Variants in MYO5A observed in about 807,000 individuals in gnomAD.
The protein encoded by MYO5A is myosin VA.
MYO5A carries 98 observed loss-of-function variants against 249.7 expected under a neutral mutation model. The ratio of observed to expected loss-of-function variants is 0.39; its 90% CI spans 0.33 to 0.46. MYO5A has a LOEUF of 0.46. MYO5A is among the 20% of genes least tolerant of loss of function. The pLI, the probability that MYO5A is intolerant of heterozygous loss-of-function variation, is 0.98. For missense variants in MYO5A, 1,696 were observed against 2,308.8 expected, an observed-to-expected ratio of 0.73 and a Z score of 5.44; for synonymous variants, 778 against 810.6, an observed-to-expected ratio of 0.96 and a Z score of 0.68.
intron 1 of MYO5A, among the ~76,000 whole-genome samples, chr15:52,450,843 G>GTTTTTTTTTTTTT (rs56842960): frequency 2.4e-5 from 2 of 84,590 alleles, no homozygotes; most frequent in African/African-American, 5.0e-5. Context: ...CACTACTGTG[G>GTTTTTTTTTTTTT]TTTTTTTTTT....
intron 4 of MYO5A, among the ~76,000 whole-genome samples, chr15:52,419,993 C>T (rs924063648): frequency 1.3e-5 from 2 of 152,064 alleles, no homozygotes; most frequent in Admixed American, 6.6e-5. Context: ...AATACAACAG[C>T]GTTGAGAGGT....
chr15:52,496,745 T>TGA (rs2077045006), intron 1 of MYO5A, among the ~76,000 whole-genome samples: 1 of 152,222 alleles, frequency 6.6e-6, no homozygotes, highest in African/African-American at 2.4e-5. Context: ...TATTGATGAC[T>TGA]CAACACTGAG....
At chr15:52,507,804 CAA>C (rs57445300) in intron 1 of MYO5A, among the ~76,000 whole-genome samples, 19 of 102,910 alleles carry the variant, frequency 1.8e-4, no homozygotes, top group Non-Finnish European at 2.3e-4. Flanking sequence ...ACCCTGTCCC[CAA>C]AAAAAAAAAA....
intron 1 of MYO5A, 100 bp downstream of exon 1, chr15:52,528,680 G>T (rs898430060): frequency 1.1e-4 from 142 of 1,348,050 alleles, no homozygotes; most frequent in Non-Finnish European, 1.2e-4. Context: ...CGCTGGTGGG[G>T]CTCGCCTGGG....
intron 30 of MYO5A, among the ~76,000 whole-genome samples, chr15:52,344,804 T>C (rs1407243722): frequency 6.6e-6 from 1 of 152,090 alleles, no homozygotes; most frequent in Admixed American, 6.6e-5. Context: ...TCAGTGAGAG[T>C]AGGAACCGCA....
intron 1 of MYO5A, among the ~76,000 whole-genome samples, chr15:52,524,221 CA>C (rs1208028337): frequency 6.6e-6 from 1 of 152,128 alleles, no homozygotes; most frequent in African/African-American, 2.4e-5. Flanking sequence ...AAAAACAAAA[CA>C]AAACACAAAA....
At chr15:52,428,764 C>T (rs1038871016) in intron 2 of MYO5A, among the ~76,000 whole-genome samples, 195 bp from the exon 3 acceptor site, 6 of 152,228 alleles carry the variant, frequency 3.9e-5, no homozygotes, top group Admixed American at 2.6e-4. Context: ...GACATACCAA[C>T]CTGTATTAAC....
chr15:52,482,359 T>C (rs998922276), intron 1 of MYO5A, among the ~76,000 whole-genome samples: 1 of 152,208 alleles, frequency 6.6e-6, no homozygotes, highest in African/African-American at 2.4e-5. Context: ...TTTTTGTGAG[T>C]GGGCTTGGGC....
intron 1 of MYO5A, among the ~76,000 whole-genome samples, chr15:52,499,648 G>A (rs904460545): frequency 1.3e-5 from 2 of 152,118 alleles, no homozygotes; most frequent in African/African-American, 4.8e-5. Flanking sequence ...TTCATGTTGA[G>A]GCATCTTTCA....
At chr15:52,423,635 T>C (rs1372138402) in intron 4 of MYO5A, among the ~76,000 whole-genome samples, 1 of 152,130 alleles carries the variant, frequency 6.6e-6, no homozygotes, top group Non-Finnish European at 1.5e-5. Flanking sequence ...ATACACTCTA[T>C]TTTACTGCTG....
At chr15:52,449,781 C>A (rs2075975884) in intron 1 of MYO5A, among the ~76,000 whole-genome samples, 1 of 152,188 alleles carries the variant, frequency 6.6e-6, no homozygotes. Context: ...AGGAGGACTG[C>A]TTGAGTCCAG....
At chr15:52,527,291 C>T (rs1018267603) in intron 1 of MYO5A, among the ~76,000 whole-genome samples, 2 of 152,208 alleles carry the variant, frequency 1.3e-5, no homozygotes, top group African/African-American at 4.8e-5. Context: ...TTTTAAAACG[C>T]TTAAAACAGT....
chr15:52,495,244 T>C (rs1028889237), intron 1 of MYO5A, among the ~76,000 whole-genome samples: 14 of 152,184 alleles, frequency 9.2e-5, no homozygotes, highest in African/African-American at 3.4e-4. Flanking sequence ...TCTTGTCATT[T>C]GGGACAATGA....
At chr15:52,457,891 G>C (rs550887341) in intron 1 of MYO5A, among the ~76,000 whole-genome samples, 1 of 152,244 alleles carries the variant, frequency 6.6e-6, no homozygotes, top group Non-Finnish European at 1.5e-5. Flanking sequence ...CTGATAAAGT[G>C]TTATGTATAC....
chr15:52,489,559 T>G (rs1464932559), intron 1 of MYO5A, among the ~76,000 whole-genome samples: 4 of 140,188 alleles, frequency 2.9e-5, no homozygotes, highest in Non-Finnish European at 6.0e-5. Context: ...CAAGACTTTG[T>G]CTAAAAAAAA....
intron 4 of MYO5A, 21 bp from the exon 5 acceptor site, chr15:52,416,322 A>T (rs111281644): frequency 5.3e-5 from 85 of 1,611,990 alleles, no homozygotes; most frequent in Middle Eastern, 3.3e-4. Flanking sequence ...AAAATTTTTT[A>T]AAAAGTAACT....
chr15:52,431,698 A>AT (rs1407448443), intron 2 of MYO5A, among the ~76,000 whole-genome samples: 3 of 151,786 alleles, frequency 2.0e-5, no homozygotes, highest in Non-Finnish European at 4.4e-5. Flanking sequence ...AAAAAAAAAA[A>AT]AAATAAGCCA....
intron 1 of MYO5A, among the ~76,000 whole-genome samples, chr15:52,524,853 G>A (rs1004109788): frequency 2.7e-5 from 4 of 150,904 alleles, no homozygotes; most frequent in African/African-American, 9.8e-5. Flanking sequence ...GGGTGACACA[G>A]TGAGACCCTG....
chr15:52,367,327 G>A (rs2040859439), intron 22 of MYO5A, among the ~76,000 whole-genome samples: 1 of 152,152 alleles, frequency 6.6e-6, no homozygotes, highest in Non-Finnish European at 1.5e-5. Flanking sequence ...TCAATTAGCT[G>A]TCTTTTCCCT....
Sources: gnomAD v4.1 joint callset for allele counts (sites outside exome capture counted in the v4.1 genomes callset) on GRCh38, gnomAD v4.1.1 for gene constraint, MANE v1.5 for transcripts, NCBI Gene and HGNC (gene_info 2026-07-23, HGNC 2026-07-21) for gene names.